The following CAND2 variants were observed in gnomAD, a reference collection of about 807,000 sequenced individuals.
CAND2 encodes cullin-associated NEDD8-dissociated protein 2.
Under a neutral mutation model 98.9 loss-of-function variants are expected in CAND2, and 62 were observed. The observed-to-expected ratio is 0.63, with a 90% confidence interval of 0.51 to 0.77. CAND2 has a LOEUF of 0.77. CAND2 is among the 30% of genes least tolerant of loss of function. CAND2 has a pLI of 0.00. For missense variants in CAND2, 1,501 were observed against 1,655.2 expected (o/e 0.91, Z 1.62); for synonymous variants, 770 against 731.9 (o/e 1.05, Z -0.84).
chr3:12,807,452 C>T lies in CAND2; in HGVS notation c.359C>T (p.Ala120Val). The change falls in exon 3 of 15, where the codon GCA becomes GTA. Residue 120 changes from alanine (A) to valine (V), a missense_variant. Coordinates refer to ENST00000456430, the MANE Select transcript of CAND2 (RefSeq NM_001162499.2). ...LKTVLSELPP[A>V]ATGSGLATNV... ...ACCGTCCTCTCGGAGCTCCCTCCTG[C>T]AGCCACAGGTACCCAGGTCCCCAGG... 3.2e-6 allele frequency: 5 copies of T among 1,551,462 alleles called. No homozygotes were observed. The highest frequency in any genetic ancestry group is 4.4e-6 in the Non-Finnish European group (5 of 1,146,868).
At chr3:12,811,276 G>A (rs1008541540) in intron 5 of CAND2, among the ~76,000 whole-genome samples, 2 of 152,208 alleles carry the variant, frequency 1.3e-5, no homozygotes, top group Admixed American at 6.5e-5. Flanking sequence ...GGAAACTCGG[G>A]TCCCCAGATA....
chr3:12,819,400 GGA>G (rs2061936301), intron 10 of CAND2, among the ~76,000 whole-genome samples: 4 of 152,210 alleles, frequency 2.6e-5, no homozygotes, highest in African/African-American at 9.6e-5. Flanking sequence ...GAGCCACTGA[GGA>G]GAGATTCAGA....
rs2061910426 is a variant in CAND2 at position 12,816,949 on chromosome 3, C to T, written c.2017C>T (p.Leu673=). ...KNQRALRLAT[L]AALDALAQSQ... ...CCAGCGGGCTTTGCGACTGGCCACA[C>T]TGGCAGCCCTGGACGCCCTGGCCCA... Residue 673 remains leucine (L), a synonymous_variant, in exon 10 of 15, where the codon CTG becomes TTG. Coordinates refer to ENST00000456430, the MANE Select transcript of CAND2 (RefSeq NM_001162499.2). The T allele has an allele frequency of 9.3e-6, 15 of 1,613,368 alleles. No individual in the cohort carries two copies. The highest frequency in any genetic ancestry group is 1.3e-5 in the Non-Finnish European group (15 of 1,179,920).
chr3:12,821,168 A>G (rs2061954297), intron 11 of CAND2, among the ~76,000 whole-genome samples: 1 of 151,762 alleles, frequency 6.6e-6, no homozygotes. Context: ...CGGGAGGTGA[A>G]GGTTGCAGTG....
At chr3:12,831,074 T>A (rs1406013199) in intron 13 of CAND2, among the ~76,000 whole-genome samples, 2 of 152,212 alleles carry the variant, frequency 1.3e-5, no homozygotes, top group African/African-American at 4.8e-5. Flanking sequence ...GACTTTTTTT[T>A]TACATGAAAA....
Position 12,817,523 on chromosome 3 carries a change from C to T in CAND2, c.2591C>T (p.Ala864Val), listed in dbSNP as rs747207547. ...CCAGGCCACCAGCGGGAGCTGAAGG[C>T]GGTGCTCCTGGAAGCTTTGGGGTCA... ...AGPGHQRELK[A>V]VLLEALGSPS... Residue 864 changes from alanine (A) to valine (V), a missense_variant, in exon 10 of 15, where the codon GCG becomes GTG. By Grantham distance (64) the Ala-to-Val change is moderately conservative. Coordinates refer to ENST00000456430, the MANE Select transcript of CAND2 (RefSeq NM_001162499.2). The T allele has an allele frequency of 1.5e-5, 25 of 1,613,572 alleles. No individual in the cohort carries two copies. Among genetic ancestry groups the T allele is most frequent in the South Asian group, 3.3e-5 (3 of 91,062 alleles).
chr3:12,818,035 A>G (rs1559554882), intron 10 of CAND2, among the ~76,000 whole-genome samples, 159 bp downstream of exon 10: 1 of 152,238 alleles, frequency 6.6e-6, no homozygotes, highest in African/African-American at 2.4e-5. Flanking sequence ...AGGAACACAC[A>G]GTGATACCTG....
rs747954328 is a variant in CAND2, at chr3:12,833,813, C to T, written c.3542C>T (p.Ala1181Val). The T allele has an allele frequency of 5.6e-6, 9 of 1,614,210 alleles. No homozygotes were observed. In the South Asian group the frequency reaches 9.9e-5, roughly 18 times the overall value. ...FEKQDELKRS[A>V]MRAVAALLTI... is the part of the protein sequence containing the mutation. ...AAGCAAGATGAACTGAAGCGCTCTG[C>T]AATGAGGGCAGTGGCTGCCCTGCTG... The change falls in exon 15 of 15, where the codon GCA (alanine) becomes GTA (valine). Residue 1181 changes from alanine (A) to valine (V), a missense_variant. Physicochemically the swap from Ala to Val is moderately conservative, Grantham distance 64. This residue lies in a region of CAND2 where 1,427 missense variants were observed against 1,545.3 expected (regional missense o/e 0.92). Coordinates refer to ENST00000456430, the MANE Select transcript of CAND2 (RefSeq NM_001162499.2).
chr3:12,815,556 T>C lies in CAND2; in HGVS notation c.1299+123T>C. On this transcript the variant is annotated intron_variant, in intron 8 of 14. Transcript: ENST00000456430. This position sits in a 1 kb window ranked among gnomAD's most constrained non-coding sequence, Gnocchi z 5.7. ...CAGCCATGGAAGGGAAGGGAAGGGG[T>C]CCCTGGGGTGGGGGGCGGGAGCCAG... is the stretch of plus-strand genomic sequence containing the variant. 1.6e-4 allele frequency: 88 copies of C among 550,378 alleles called. No individual in the cohort carries two copies. The highest frequency in any genetic ancestry group is 2.3e-4 in the Non-Finnish European group (76 of 336,530). 34.1% of individuals were successfully genotyped at this position (550,378 alleles called of 1,614,324 possible).
chr3:12,797,515 C>T (rs982072019), intron 1 of CAND2, among the ~76,000 whole-genome samples: 2 of 152,042 alleles, frequency 1.3e-5, no homozygotes, highest in African/African-American at 2.4e-5. Context: ...TTCTTTCCCC[C>T]TCTCACAGCA....
rs756860213 is a variant in CAND2 at position 12,816,699 on chromosome 3, G to A, written c.1767G>A (p.Glu589=). The A allele has an allele frequency of 3.7e-6, 6 of 1,613,714 alleles. No homozygotes were observed. The highest frequency in any genetic ancestry group is 1.1e-5 in the South Asian group (1 of 91,088). The change falls in exon 10 of 15, where the codon GAG becomes GAA. Residue 589 remains glutamate, a synonymous_variant. Coordinates refer to ENST00000456430, the MANE Select transcript of CAND2 (RefSeq NM_001162499.2). The part of the protein sequence containing the change: ...RATDLDQEVK[E]RAISCMGHLV... Reference sequence around the variant, plus strand: ...CTGACCTGGACCAGGAGGTGAAGGAGCGGGCCATTTCCTGCATGGGCCACC... The same window carrying A: ...CTGACCTGGACCAGGAGGTGAAGGAACGGGCCATTTCCTGCATGGGCCACC...
intron 2 of CAND2, among the ~76,000 whole-genome samples, chr3:12,806,964 C>G (rs1250793708): frequency 6.6e-6 from 1 of 152,208 alleles, no homozygotes; most frequent in East Asian, 1.9e-4. Context: ...AGATATAGCC[C>G]TCCTGACTCT....
At chr3:12,831,314 A>C (rs2062052037) in intron 13 of CAND2, 151 bp from the exon 14 acceptor site, 1 of 671,158 alleles carries the variant, frequency 1.5e-6, no homozygotes, top group Non-Finnish European at 2.7e-6. Flanking sequence ...GAGGAAACAG[A>C]CCCAGAGAGG....
At chr3:12,810,382 C>T in intron 5 of CAND2, 58 bp downstream of exon 5, 1 of 1,326,772 alleles carries the variant, frequency 7.5e-7, no homozygotes, top group Non-Finnish European at 9.7e-7. Context: ...TAGGGTGAGC[C>T]AATGACTCGG....
chr3:12,832,139 T>C (rs2062058426), intron 14 of CAND2: 1 of 152,260 alleles, frequency 6.6e-6, no homozygotes, highest in Non-Finnish European at 1.5e-5. Flanking sequence ...ATGGGAATCA[T>C]TACCAAAAGG....
intron 1 of CAND2, among the ~76,000 whole-genome samples, chr3:12,797,078 C>T (rs1189226843): frequency 6.6e-6 from 1 of 151,834 alleles, no homozygotes; most frequent in Non-Finnish European, 1.5e-5. Context: ...GATCAGAGCC[C>T]CGGCTCCACC....
intron 1 of CAND2, among the ~76,000 whole-genome samples, chr3:12,800,216 C>G (rs1023695347): frequency 1.3e-5 from 2 of 152,238 alleles, no homozygotes; most frequent in African/African-American, 4.8e-5. Context: ...GCCTCCTTCT[C>G]TCTCCTAGCA....
intron 4 of CAND2, chr3:12,809,817 C>A: frequency 2.2e-6 from 1 of 449,636 alleles, no homozygotes; most frequent in Non-Finnish European, 3.9e-6. Context: ...TCAGGTCTTT[C>A]TCCCTAGGCT....
At chr3:12,811,701 A>C (rs979923892) in intron 5 of CAND2, among the ~76,000 whole-genome samples, 1 of 151,918 alleles carries the variant, frequency 6.6e-6, no homozygotes, top group Non-Finnish European at 1.5e-5. Context: ...CCTCCTGAGT[A>C]GCTGGCACTA....
Sources: gnomAD v4.1 joint callset for allele counts (sites outside exome capture counted in the v4.1 genomes callset) on GRCh38, gnomAD v4.1.1 for gene constraint, gnomAD v4.1.1 regional missense constraint, Gnocchi (gnomAD v3.1) non-coding constraint, MANE v1.5 for transcripts, NCBI Gene and HGNC (gene_info 2026-07-23, HGNC 2026-07-21) for gene names.